Variants in SUPT3H observed in about 807,000 individuals in gnomAD.
SUPT3H encodes the protein SPT3 homolog, SAGA and STAGA complex component.
SUPT3H carries 44 observed loss-of-function variants against 44.3 expected under a neutral mutation model. That is an observed-to-expected ratio of 0.99 (90% CI 0.78 to 1.28). The LOEUF is 1.28. Among genes scored for constraint, SUPT3H ranks in the 50% most tolerant of loss-of-function variants. The pLI is 0.00. For synonymous variants in SUPT3H, 124 were observed against 125.6 expected (o/e 0.99, Z 0.09); for missense variants, 380 against 387.1 (o/e 0.98, Z 0.15).
chr6:44,972,399 G>A (rs1441931634), intron 6 of SUPT3H, among the ~76,000 whole-genome samples: 1 of 152,162 alleles, frequency 6.6e-6, no homozygotes, highest in Admixed American at 6.5e-5. Context: ...GGGTCCCAGG[G>A]CCTCTTGTCA....
intron 4 of SUPT3H, 104 bp downstream of exon 4, chr6:45,020,442 A>C (rs1203527242): frequency 1.3e-6 from 1 of 791,096 alleles, no homozygotes; most frequent in Non-Finnish European, 2.0e-6. Flanking sequence ...TTCAATAGTT[A>C]TTATTTTAAT....
chr6:44,829,852 G>C lies in SUPT3H; in HGVS notation c.918C>G (p.Ala306=). 2 of 1,613,140 alleles carry C rather than the reference G, an allele frequency of 1.2e-6. No homozygotes were observed. The highest frequency in any genetic ancestry group is 2.2e-5 in the South Asian group (2 of 91,044). ...GAAAAGCCATCCCATTCCTGCGGTA[G>C]GCATTCTGTCAAAGAAAAAGAAATC... ...RIGPLSPFTN[A]YRRNGMAFLA... is the part of the protein sequence containing the mutation. The change falls in exon 11 of 11, where the codon GCC becomes GCG. Residue 306 remains alanine (A), a synonymous_variant. Coordinates refer to ENST00000371459, the MANE Select transcript of SUPT3H (RefSeq NM_003599.4).
intron 3 of SUPT3H, among the ~76,000 whole-genome samples, chr6:45,053,067 C>A (rs1790555193): frequency 6.6e-6 from 1 of 152,104 alleles, no homozygotes; most frequent in Non-Finnish European, 1.5e-5. Flanking sequence ...CAGAGTCTTA[C>A]TCTGATGCCC....
At chr6:45,349,010 G>C (rs1409200595) in intron 2 of SUPT3H, among the ~76,000 whole-genome samples, 1 of 152,092 alleles carries the variant, frequency 6.6e-6, no homozygotes, top group Non-Finnish European at 1.5e-5. Context: ...TTGAATAAAT[G>C]AATTTATGAG....
chr6:44,869,458 T>C (rs1012612563), intron 10 of SUPT3H, among the ~76,000 whole-genome samples: 4 of 151,722 alleles, frequency 2.6e-5, no homozygotes, highest in African/African-American at 9.7e-5. Flanking sequence ...ACCCAGTAGG[T>C]TGAAACAGAC....
chr6:45,283,157 C>A (rs939640450), intron 2 of SUPT3H, among the ~76,000 whole-genome samples: 17 of 152,234 alleles, frequency 1.1e-4, no homozygotes, highest in Non-Finnish European at 1.6e-4. Context: ...ACCATCGAGG[C>A]TAGGAAAAAA....
At position 45,150,720 on chromosome 6, in the gene SUPT3H, G is replaced by GTTTTTT. The variant is rs11319902; in HGVS notation, c.102-44720_102-44715dup. 1.0e-4 allele frequency among the ~76,000 whole-genome samples: 10 copies of GTTTTTT among 99,282 alleles called. 2 individuals carry two copies. Among genetic ancestry groups the GTTTTTT allele is most frequent in the African/African-American group, 2.0e-4 (5 of 24,544 alleles). The allele number at this position is 99,282 out of a possible 152,430, so 65.1% of individuals were successfully genotyped here. A position where few individuals can be genotyped will look rare whatever the true frequency, so the allele number is the denominator to read the frequency against. On this transcript the variant is annotated intron_variant, in intron 2 of 10. Coordinates refer to ENST00000371459, the MANE Select transcript of SUPT3H (RefSeq NM_003599.4). ...CTTCTACTTATAATCTTTATTCTGCGTTTTTTTTTTTTTTTTTTTTAAGAT... is the reference window on the plus strand; with the variant it reads ...CTTCTACTTATAATCTTTATTCTGCGTTTTTTTTTTTTTTTTTTTTTTTTTTAAGAT...
intron 7 of SUPT3H, among the ~76,000 whole-genome samples, chr6:44,960,473 CA>C (rs34980849): frequency 0.12 from 17,996 of 144,262 alleles, 1,412 homozygotes; most frequent in East Asian, 0.28. Flanking sequence ...AACAAACAAA[CA>C]AAAAAACATG....
At chr6:45,094,540 G>C (rs887409516) in intron 3 of SUPT3H, among the ~76,000 whole-genome samples, 1 of 152,036 alleles carries the variant, frequency 6.6e-6, no homozygotes, top group Non-Finnish European at 1.5e-5. Flanking sequence ...GAAAGGACTG[G>C]GAATTCCTTC....
intron 2 of SUPT3H, among the ~76,000 whole-genome samples, chr6:45,133,522 C>T (rs1405016070): frequency 1.3e-5 from 2 of 152,102 alleles, no homozygotes; most frequent in African/African-American, 2.4e-5. Context: ...AAATCTTCTG[C>T]CATTTCCCCA....
At chr6:45,186,957 C>CA (rs1814315687) in intron 2 of SUPT3H, among the ~76,000 whole-genome samples, 1 of 152,026 alleles carries the variant, frequency 6.6e-6, no homozygotes, top group African/African-American at 2.4e-5. Flanking sequence ...ACTTCTTCAT[C>CA]AAACCTAGCA....
intron 6 of SUPT3H, among the ~76,000 whole-genome samples, chr6:44,964,576 C>T (rs1394514981): frequency 2.0e-5 from 3 of 152,174 alleles, no homozygotes; most frequent in Non-Finnish European, 4.4e-5. Context: ...TATCCATAAA[C>T]ATGTGAAAGA....
intron 10 of SUPT3H, among the ~76,000 whole-genome samples, chr6:44,854,772 TAAG>T (rs1052896738): frequency 1.3e-5 from 2 of 152,170 alleles, no homozygotes; most frequent in African/African-American, 4.8e-5. Flanking sequence ...ATATGAAAGA[TAAG>T]AAGAAATTTA....
chr6:45,372,127 T>C (rs1377665937), intron 1 of SUPT3H: 1 of 584,198 alleles, frequency 1.7e-6, no homozygotes, highest in Non-Finnish European at 2.2e-6. Flanking sequence ...CAAACCACAA[T>C]GGAAGCAGTA....
chr6:44,963,913 G>A (rs1029105249), intron 6 of SUPT3H, among the ~76,000 whole-genome samples: 8 of 151,390 alleles, frequency 5.3e-5, no homozygotes, highest in Admixed American at 2.6e-4. Context: ...CAGGAGAATC[G>A]CTTGAACTCG....
intron 2 of SUPT3H, among the ~76,000 whole-genome samples, chr6:45,217,759 G>A (rs1330091545): frequency 1.3e-5 from 2 of 151,984 alleles, no homozygotes; most frequent in Admixed American, 6.6e-5. Flanking sequence ...GCGTGGTGAC[G>A]TGTGCCTGTA....
At chr6:45,315,913 TCAGATAGA>T (rs1053240832) in intron 2 of SUPT3H, among the ~76,000 whole-genome samples, 3 of 133,122 alleles carry the variant, frequency 2.3e-5, no homozygotes, top group Admixed American at 7.9e-5. Flanking sequence ...ATAAAGAAGC[TCAGATAGA>T]CAGATAGATA....
At chr6:44,902,633 T>G (rs1765283244) in intron 10 of SUPT3H, among the ~76,000 whole-genome samples, 2 of 151,556 alleles carry the variant, frequency 1.3e-5, no homozygotes, top group African/African-American at 2.4e-5. Flanking sequence ...AGACAGAAAA[T>G]TAACAAGGAT....
intron 6 of SUPT3H, among the ~76,000 whole-genome samples, chr6:45,000,769 G>A (rs570623980): frequency 2.2e-4 from 34 of 152,062 alleles, no homozygotes; most frequent in African/African-American, 3.9e-4. Flanking sequence ...AAGATAAAAA[G>A]TCACTAGGGA....
Sources: gnomAD v4.1 joint callset for allele counts (sites outside exome capture counted in the v4.1 genomes callset) on GRCh38, gnomAD v4.1.1 for gene constraint, MANE v1.5 for transcripts, NCBI Gene and HGNC (gene_info 2026-07-23, HGNC 2026-07-21) for gene names.